The following NRG3 variants were observed in gnomAD, a reference collection of about 807,000 sequenced individuals.
The protein encoded by NRG3 is neuregulin 3.
In NRG3, 31 loss-of-function variants were observed where a neutral mutation model predicts 66.9. The observed-to-expected ratio is 0.46, with a 90% CI of 0.35 to 0.63. The LOEUF (loss-of-function observed/expected upper bound fraction) is 0.63, where lower values mean the gene tolerates loss of function less well. NRG3 is among the 20% of genes least tolerant of loss of function. The probability of loss-of-function intolerance (pLI) is 0.00; values close to 1 mark genes in which losing one functional copy is unlikely to be tolerated. For synonymous variants in NRG3, 393 were observed against 359.4 expected (o/e 1.09, Z -1.06); for missense variants, 910 against 878.9 (o/e 1.04, Z -0.45).
chr10:81,916,369 T>C (rs552970040), intron 1 of NRG3, among the ~76,000 whole-genome samples: 1 of 152,182 alleles, frequency 6.6e-6, no homozygotes, highest in Non-Finnish European at 1.5e-5. Flanking sequence ...TCAAGAAACA[T>C]AATAATAAAT....
chr10:82,306,138 T>C (rs567839425), intron 1 of NRG3, among the ~76,000 whole-genome samples: 3 of 152,322 alleles, frequency 2.0e-5, no homozygotes, highest in South Asian at 4.1e-4. Context: ...AATATGACTT[T>C]ATATAAATAG....
intron 3 of NRG3, among the ~76,000 whole-genome samples, chr10:82,858,190 C>A (rs1000993352): frequency 7.9e-5 from 12 of 152,176 alleles, no homozygotes; most frequent in Admixed American, 3.3e-4. Context: ...TGTCCTTTGA[C>A]CCTTTTACTT....
chr10:82,349,703 T>C (rs999313319), intron 1 of NRG3, among the ~76,000 whole-genome samples: 10 of 152,046 alleles, frequency 6.6e-5, no homozygotes, highest in Non-Finnish European at 1.5e-4. Flanking sequence ...ACTGCTGTGC[T>C]AGCAATCAGG....
rs1336819841 is a variant in NRG3 at position 82,908,777 on chromosome 10, T to G, written c.1055-42692T>G. On this transcript the variant is annotated intron_variant, in intron 4 of 8. Coordinates refer to ENST00000372141, the MANE Select transcript of NRG3 (RefSeq NM_001010848.4). Reference sequence around the variant, plus strand: ...GGAGCTTAGCTCCATCCCTAGATGCTCTCTGTTCACAATGAGATAAGAGAT... The same window carrying G: ...GGAGCTTAGCTCCATCCCTAGATGCGCTCTGTTCACAATGAGATAAGAGAT... Among the ~76,000 whole-genome samples the G allele has an allele frequency of 3.3e-5, 5 of 152,212 alleles. No homozygotes were observed. The East Asian group carries it at 7.7e-4, about 23-fold the overall frequency.
intron 2 of NRG3, among the ~76,000 whole-genome samples, chr10:82,535,902 CTTTTTTT>C (rs34319022): frequency 7.5e-6 from 1 of 133,038 alleles, no homozygotes; most frequent in African/African-American, 2.7e-5. Flanking sequence ...TTAAAGTAGT[CTTTTTTT>C]TTTTTTTTTT....
intron 1 of NRG3, among the ~76,000 whole-genome samples, chr10:82,005,714 T>C (rs984215127): frequency 2.0e-5 from 3 of 152,200 alleles, no homozygotes; most frequent in African/African-American, 7.2e-5. Flanking sequence ...GGAATGTACT[T>C]ACAATGAATA....
At chr10:82,944,108 T>G (rs113276643) in intron 4 of NRG3, among the ~76,000 whole-genome samples, 288 of 152,322 alleles carry the variant, frequency 1.9e-3, no homozygotes, top group African/African-American at 6.7e-3. Flanking sequence ...TATACCATCA[T>G]TGTAGCTACA....
chr10:82,920,190 G>C (rs1421961318), intron 4 of NRG3, among the ~76,000 whole-genome samples: 1 of 149,622 alleles, frequency 6.7e-6, no homozygotes, highest in East Asian at 1.9e-4. Flanking sequence ...CTGTACTCTA[G>C]TTGATAAAGT....
In NRG3 at chr10:82,636,858, G is replaced by A. The variant is rs531969939; in HGVS notation, c.954-101719G>A. ...TGAGAGAGAGAGTGTGTGTGAGAGA[G>A]TGTGTGTGTGTTTGAGATAGAGAAT... On this transcript the variant is annotated intron_variant, in intron 2 of 8. Transcript: ENST00000372141. Among the ~76,000 whole-genome samples the A allele has an allele frequency of 4.6e-4, 70 of 151,910 alleles. 1 individual carries two copies. Among genetic ancestry groups the A allele is most frequent in the African/African-American group, 1.3e-3 (53 of 41,462 alleles).
intron 2 of NRG3, among the ~76,000 whole-genome samples, chr10:82,518,593 A>G (rs1845909210): frequency 6.6e-6 from 1 of 152,174 alleles, no homozygotes; most frequent in South Asian, 2.1e-4. Context: ...GGCCTTACAC[A>G]TGGAAGTAAT....
intron 2 of NRG3, among the ~76,000 whole-genome samples, chr10:82,359,141 A>AAGGG (rs1366472300): frequency 6.6e-6 from 1 of 152,228 alleles, no homozygotes; most frequent in African/African-American, 2.4e-5. Context: ...AATGGAAATA[A>AAGGG]TTATTTACAC....
At chr10:82,907,297 T>C (rs1844833445) in intron 4 of NRG3, among the ~76,000 whole-genome samples, 1 of 152,206 alleles carries the variant, frequency 6.6e-6, no homozygotes, top group Non-Finnish European at 1.5e-5. Context: ...AGAAAAATTT[T>C]GGAAGATCTT....
chr10:82,836,011 T>C (rs2062756770), intron 3 of NRG3, among the ~76,000 whole-genome samples: 1 of 152,180 alleles, frequency 6.6e-6, no homozygotes, highest in Admixed American at 6.6e-5. Context: ...CCAACTCTGT[T>C]GTATGGCTGA....
intron 1 of NRG3, among the ~76,000 whole-genome samples, chr10:81,962,431 G>A (rs1310586730): frequency 6.6e-6 from 1 of 151,960 alleles, no homozygotes; most frequent in Non-Finnish European, 1.5e-5. Context: ...TAATGTATAG[G>A]GTTTCTATAC....
rs142196687 is a variant in NRG3, at chr10:82,630,333, G to C, written c.954-108244G>C. ...GTAACCAAGCATTTGTGGACAGGGT[G>C]AGGCAAGATATATATGGTTTTCTTT... On this transcript the variant is annotated intron_variant, in intron 2 of 8. Coordinates refer to ENST00000372141, the MANE Select transcript of NRG3 (RefSeq NM_001010848.4). Among the ~76,000 whole-genome samples, 52 of 148,474 alleles carry C rather than the reference G, an allele frequency of 3.5e-4. 1 individual carries two copies. Among genetic ancestry groups the C allele is most frequent in the African/African-American group, 1.2e-3 (48 of 40,280 alleles).
At chr10:82,450,091 T>A (rs111266435) in intron 2 of NRG3, among the ~76,000 whole-genome samples, 1 of 152,376 alleles carries the variant, frequency 6.6e-6, no homozygotes, top group African/African-American at 2.4e-5. Context: ...CTTTTACTTT[T>A]ATACATCAAG....
At chr10:82,962,619 A>G (rs939137626) in intron 6 of NRG3, among the ~76,000 whole-genome samples, 13 of 152,112 alleles carry the variant, frequency 8.5e-5, no homozygotes, top group Non-Finnish European at 2.9e-5. Flanking sequence ...CAGGTGGATC[A>G]CCTGAGGTCG....
intron 2 of NRG3, among the ~76,000 whole-genome samples, chr10:82,691,014 C>G (rs766628821): frequency 6.6e-6 from 1 of 152,006 alleles, no homozygotes; most frequent in Non-Finnish European, 1.5e-5. Context: ...CTTTCTTTTT[C>G]CTTGTCTTTC....
chr10:82,675,352 T>C (rs2053608280), intron 2 of NRG3, among the ~76,000 whole-genome samples: 1 of 152,120 alleles, frequency 6.6e-6, no homozygotes, highest in African/African-American at 2.4e-5. Context: ...CATAGGGTTA[T>C]GGGAAATGTT....
Sources: gnomAD v4.1 joint callset for allele counts (sites outside exome capture counted in the v4.1 genomes callset) on GRCh38, gnomAD v4.1.1 for gene constraint, MANE v1.5 for transcripts, NCBI Gene and HGNC (gene_info 2026-07-23, HGNC 2026-07-21) for gene names.